Variants in NAV3 observed in about 807,000 individuals in gnomAD.
NAV3 encodes neuron navigator 3.
NAV3 carries 87 observed loss-of-function variants against 244.7 expected under a neutral mutation model. The observed-to-expected ratio is 0.36, with a 90% CI of 0.30 to 0.42. The LOEUF is 0.42. Ranked by LOEUF, NAV3 falls within the 20% of genes least tolerant of loss-of-function variation. NAV3 has a pLI of 1.00. For missense variants in NAV3, 2,663 were observed against 2,893.3 expected (o/e 0.92, Z 1.83); for synonymous variants, 1,126 against 1,042.2 (o/e 1.08, Z -1.55).
At chr12:77,796,125 G>A (rs916803465) in intron 2 of NAV3, among the ~76,000 whole-genome samples, 1 of 152,054 alleles carries the variant, frequency 6.6e-6, no homozygotes, top group Non-Finnish European at 1.5e-5. Context: ...TCCTCTGATG[G>A]ATCTAAGCAA....
intron 16 of NAV3, among the ~76,000 whole-genome samples, chr12:78,123,866 G>A (rs1424084482): frequency 6.6e-6 from 1 of 152,154 alleles, no homozygotes; most frequent in East Asian, 1.9e-4. Context: ...CGGGCTTCCT[G>A]TAAAATCTTT....
At chr12:78,063,930 G>T (rs1360875542) in intron 12 of NAV3, among the ~76,000 whole-genome samples, 1 of 152,126 alleles carries the variant, frequency 6.6e-6, no homozygotes, top group Non-Finnish European at 1.5e-5. Flanking sequence ...TAGGTGATAA[G>T]GAGCTATTTT....
At chr12:78,061,707 C>A (rs1185252773) in intron 12 of NAV3, among the ~76,000 whole-genome samples, 11 of 151,880 alleles carry the variant, frequency 7.2e-5, no homozygotes, top group Admixed American at 5.9e-4. Context: ...ATTTAAAATA[C>A]TTCCTTCTAT....
chr12:78,012,574 T>C (rs1875494925), intron 8 of NAV3, among the ~76,000 whole-genome samples: 1 of 152,072 alleles, frequency 6.6e-6, no homozygotes, highest in Non-Finnish European at 1.5e-5. Context: ...ATCCTCCTTC[T>C]CAACAAACCA....
intron 9 of NAV3, chr12:78,036,660 A>G (rs540418890): frequency 5.4e-5 from 26 of 477,908 alleles, no homozygotes; most frequent in African/African-American, 5.0e-4. Flanking sequence ...ATTTGTAAGT[A>G]CTGCTGATTA....
intron 2 of NAV3, among the ~76,000 whole-genome samples, chr12:77,710,787 T>C (rs1330574400): frequency 6.6e-6 from 1 of 152,158 alleles, no homozygotes; most frequent in African/African-American, 2.4e-5. Flanking sequence ...TATTTGTATT[T>C]CTAGAAAAAA....
rs140188257 is a variant in NAV3, at chr12:78,045,157, G to A, written c.2024-4836G>A. On this transcript the variant is annotated intron_variant, in intron 9 of 39. Coordinates refer to ENST00000397909, the MANE Select transcript of NAV3 (RefSeq NM_001024383.2). Reference sequence around the variant, plus strand: ...GCATGAAGGGGTGTTGAATTTTATCGAAGGCCTTTTCTGCATCTATTGAGA... The same window carrying A: ...GCATGAAGGGGTGTTGAATTTTATCAAAGGCCTTTTCTGCATCTATTGAGA... Among the ~76,000 whole-genome samples, 1,232 of 152,168 alleles carry A rather than the reference G, an allele frequency of 8.1e-3. 9 individuals carry two copies. Among genetic ancestry groups the A allele is most frequent in the Middle Eastern group, 0.041 (12 of 294 alleles).
rs551877981 is a variant in NAV3, at chr12:77,656,867, A to C, written c.72+84601A>C. 1.4e-4 allele frequency among the ~76,000 whole-genome samples: 21 copies of C among 152,218 alleles called. No homozygotes were observed. The East Asian group carries it at 3.5e-3, about 25-fold the overall frequency. On this transcript the variant is annotated intron_variant, in intron 2 of 8. Coordinates refer to the NAV3 transcript ENST00000550042. ...CTGCTCCTGAATGACTACTGGGTAC[A>C]TAACAAAATGAAGGCAGAAATAAAG...
intron 1 of NAV3, among the ~76,000 whole-genome samples, chr12:77,851,344 C>T (rs1428111686): frequency 1.3e-5 from 2 of 152,152 alleles, no homozygotes; most frequent in African/African-American, 4.8e-5. Context: ...CCTTTATTTA[C>T]CCTCACTGTC....
At chr12:77,724,549 G>T (rs1239020158) in intron 2 of NAV3, among the ~76,000 whole-genome samples, 2 of 151,634 alleles carry the variant, frequency 1.3e-5, no homozygotes, top group African/African-American at 4.8e-5. Flanking sequence ...GCAATATACT[G>T]TGTTTGCCAC....
chr12:77,592,692 C>T (rs1434224999), intron 2 of NAV3, among the ~76,000 whole-genome samples: 1 of 152,166 alleles, frequency 6.6e-6, no homozygotes, highest in African/African-American at 2.4e-5. Context: ...TACTTTTTCA[C>T]GTACGCTAAA....
intron 2 of NAV3, among the ~76,000 whole-genome samples, chr12:77,789,535 G>T (rs373707781): frequency 4.0e-5 from 6 of 149,990 alleles, no homozygotes; most frequent in East Asian, 2.0e-4. Context: ...TCAACTGGGC[G>T]CAGTGGCTCA....
Position 78,171,398 on chromosome 12 carries a change from A to G in NAV3, c.4981+2532A>G, listed in dbSNP as rs1957992013. Among the ~76,000 whole-genome samples, 3 of 151,740 alleles carry G rather than the reference A, an allele frequency of 2.0e-5. No individual in the cohort carries two copies. The Admixed American group carries it at 2.0e-4, about 10-fold the overall frequency. ...TTTATGTTAGGCAACAGGTAGCTGA[A>G]TATATCTACAGAAATTGAAAAATTG... On this transcript the variant is annotated intron_variant, in intron 24 of 39. Coordinates refer to ENST00000397909, the MANE Select transcript of NAV3 (RefSeq NM_001024383.2).
intron 2 of NAV3, among the ~76,000 whole-genome samples, chr12:77,710,165 G>A (rs1366380215): frequency 2.6e-5 from 4 of 152,142 alleles, no homozygotes; most frequent in Admixed American, 1.3e-4. Flanking sequence ...ATACCCAGCT[G>A]TATTCCAAAC....
At chr12:77,919,515 A>G (rs184916489) in intron 1 of NAV3, among the ~76,000 whole-genome samples, 31 of 152,188 alleles carry the variant, frequency 2.0e-4, no homozygotes, top group African/African-American at 7.2e-4. Context: ...TGTCACATTA[A>G]GATATTTTCT....
At chr12:77,671,547 T>C (rs1014415888) in intron 2 of NAV3, among the ~76,000 whole-genome samples, 3 of 152,132 alleles carry the variant, frequency 2.0e-5, no homozygotes, top group Non-Finnish European at 4.4e-5. Context: ...AACAGCATGA[T>C]ACTGGTATAA....
intron 3 of NAV3, among the ~76,000 whole-genome samples, chr12:77,952,498 T>A (rs966746066): frequency 2.0e-5 from 3 of 152,146 alleles, no homozygotes; most frequent in African/African-American, 7.2e-5. Flanking sequence ...GATTACTGTT[T>A]TGATTACATG....
chr12:77,766,794 C>A (rs1869795459), intron 2 of NAV3, among the ~76,000 whole-genome samples: 1 of 115,964 alleles, frequency 8.6e-6, no homozygotes, highest in Non-Finnish European at 1.6e-5. Context: ...CGCTCTGTCA[C>A]CCAGGCTGGA....
chr12:78,070,776 C>G (rs1024292435), intron 12 of NAV3, among the ~76,000 whole-genome samples: 2 of 146,636 alleles, frequency 1.4e-5, no homozygotes, highest in African/African-American at 5.0e-5. Context: ...CTGTTCAATT[C>G]CCACCTATGA....
Sources: gnomAD v4.1 joint callset for allele counts (sites outside exome capture counted in the v4.1 genomes callset) on GRCh38, gnomAD v4.1.1 for gene constraint, MANE v1.5 for transcripts, NCBI Gene and HGNC (gene_info 2026-07-23, HGNC 2026-07-21) for gene names.